The following ATG13 variants were observed in gnomAD, a reference collection of about 807,000 sequenced individuals.
ATG13 encodes the protein autophagy-related protein 13.
In ATG13, 23 loss-of-function variants were observed where a neutral mutation model predicts 65.5. The ratio of observed to expected loss-of-function variants is 0.35; its 90% CI spans 0.25 to 0.50. The LOEUF is 0.50. Among genes scored for constraint, ATG13 ranks in the 20% least tolerant of loss-of-function variants. The probability of loss-of-function intolerance (pLI) is 0.98; values close to 1 mark genes in which losing one functional copy is unlikely to be tolerated. For missense variants in ATG13, 566 were observed against 677.0 expected (o/e 0.84, Z 1.82); for synonymous variants, 252 against 245.2 (o/e 1.03, Z -0.26).
At chr11:46,662,438 G>C (rs899790489) in intron 11 of ATG13, among the ~76,000 whole-genome samples, 1 of 152,190 alleles carries the variant, frequency 6.6e-6, no homozygotes, top group Non-Finnish European at 1.5e-5. Flanking sequence ...TGGAAGTTTA[G>C]TAGTTTCTGC....
At chr11:46,646,131 G>T in intron 5 of ATG13, 142 bp downstream of exon 5, 1 of 1,197,690 alleles carries the variant, frequency 8.3e-7, no homozygotes, top group Non-Finnish European at 1.1e-6. Context: ...AGTTTTTTTT[G>T]TTCTTTTTTG....
At chr11:46,623,823 C>G (rs2048535674) in intron 1 of ATG13, among the ~76,000 whole-genome samples, 1 of 151,902 alleles carries the variant, frequency 6.6e-6, no homozygotes, top group Non-Finnish European at 1.5e-5. Flanking sequence ...TGTACTCTTC[C>G]CTTAGATTTG....
rs771947311 is a variant in ATG13 at position 46,664,849 on chromosome 11, C to T, written c.889C>T (p.Leu297Phe). Residue 297 changes from leucine to phenylalanine, a missense_variant and splice_region_variant, in exon 13 of 19, where the codon CTC (leucine) becomes TTC (phenylalanine). By Grantham distance (22) the Leu-to-Phe change is conservative. Around this residue, in one of 2 missense-constraint regions of ATG13, gnomAD observed 387 missense variants for 409.8 expected, o/e 0.94. Transcript: ENST00000683050. ...PMAGLAFSHQ[L>F]SSSRLSYQPA... ...TCCTCTTTGTTTTTCTCTTGCTTAG[C>T]TCTCAAGCTCTCGCCTTTCCTATCA... 1 of 1,613,034 alleles carries T rather than the reference C, an allele frequency of 6.2e-7. No individual in the cohort carries two copies. Among genetic ancestry groups the T allele is most frequent in the Non-Finnish European group, 8.5e-7 (1 of 1,179,122 alleles).
intron 2 of ATG13, among the ~76,000 whole-genome samples, chr11:46,633,215 G>C (rs935373769): frequency 6.7e-6 from 1 of 149,990 alleles, no homozygotes; most frequent in Non-Finnish European, 1.5e-5. Context: ...TGGTGGAGAT[G>C]GGGCTTCACC....
At chr11:46,632,926 A>G (rs1395779628) in intron 2 of ATG13, among the ~76,000 whole-genome samples, 1 of 149,228 alleles carries the variant, frequency 6.7e-6, no homozygotes. Context: ...GCTTTGGGAG[A>G]TGGAGGTGGG....
intron 7 of ATG13, among the ~76,000 whole-genome samples, chr11:46,650,734 T>A (rs1031939307): frequency 1.3e-5 from 2 of 152,026 alleles, no homozygotes; most frequent in African/African-American, 4.8e-5. Flanking sequence ...GCCTCCCGAG[T>A]AGATGGGACT....
chr11:46,628,917 C>T (rs1466277192), intron 1 of ATG13, among the ~76,000 whole-genome samples: 1 of 150,644 alleles, frequency 6.6e-6, no homozygotes, highest in African/African-American at 2.5e-5. Context: ...CTCCCAGCCC[C>T]AAGCAATACT....
Position 46,643,636 on chromosome 11 carries a change from A to G in ATG13, c.-13-643A>G, listed in dbSNP as rs562565257. On this transcript the variant is annotated intron_variant, in intron 2 of 18. Transcript: ENST00000683050. ...GCTTTTTTTTTTTTTTTTTTAAATGAGACCGGGTCTCACCATGTTGATCTT... is the reference window on the plus strand; with the variant it reads ...GCTTTTTTTTTTTTTTTTTTAAATGGGACCGGGTCTCACCATGTTGATCTT... Among the ~76,000 whole-genome samples the G allele has an allele frequency of 1.5e-3, 216 of 143,340 alleles. 1 individual carries two copies. The highest frequency in any genetic ancestry group is 3.1e-3 in the South Asian group (14 of 4,580). The allele number at this position is 143,340 out of a possible 152,430, so 94.0% of individuals were successfully genotyped here. A position where few individuals can be genotyped will look rare whatever the true frequency, so the allele number is the denominator to read the frequency against.
Position 46,630,036 on chromosome 11 carries a change from TC to T in ATG13, c.-69-8del, listed in dbSNP as rs2051148751. On this transcript the variant is annotated splice_region_variant and splice_polypyrimidine_tract_variant and intron_variant, in intron 1 of 18. Transcript: ENST00000683050. Reference sequence around the variant, plus strand: ...TGGTATTCACAGTCATGATCATATTTCTCTACAGCATCTTGGACTCAAGTGA... The same window carrying T: ...TGGTATTCACAGTCATGATCATATTTTCTACAGCATCTTGGACTCAAGTGA... 1 of 152,092 alleles carries T rather than the reference TC, an allele frequency of 6.6e-6. No individual in the cohort carries two copies. Among genetic ancestry groups the T allele is most frequent in the Admixed American group, 6.6e-5 (1 of 15,262 alleles). The allele number at this position is 152,092 out of a possible 1,614,324, so 9.4% of individuals were successfully genotyped here. A position where few individuals can be genotyped will look rare whatever the true frequency, so the allele number is the denominator to read the frequency against.
rs762323138 is a variant in ATG13, at chr11:46,665,504, C to T, written c.1121C>T (p.Ala374Val). ...CCTTCTGACAGAACCCACTGTGCTG[C>T]CACACCCTCCAGTAGGTGAGTTCAC... Reference protein sequence around the residue: ...CTPSDRTHCAATPSSSEDTET... With the variant: ...CTPSDRTHCAVTPSSSEDTET... The change falls in exon 14 of 19, where the codon GCC (alanine) becomes GTC (valine). Residue 374 changes from alanine to valine, a missense_variant. Ala to Val is a moderately conservative substitution (Grantham distance 64). Transcript: ENST00000683050. 1 of 1,614,050 alleles carries T rather than the reference C, an allele frequency of 6.2e-7. No homozygotes were observed.
At chr11:46,645,089 C>T (rs1046260574) in intron 3 of ATG13, among the ~76,000 whole-genome samples, 14 of 152,186 alleles carry the variant, frequency 9.2e-5, no homozygotes, top group African/African-American at 3.4e-4. Context: ...TTACAGTTTC[C>T]AAGCCTCAAC....
chr11:46,641,451 C>T (rs1268407208), intron 2 of ATG13, among the ~76,000 whole-genome samples: 1 of 152,148 alleles, frequency 6.6e-6, no homozygotes. Context: ...GCTGCTACAT[C>T]CAACAATATA....
chr11:46,621,556 C>A (rs2047508575), intron 1 of ATG13, among the ~76,000 whole-genome samples: 1 of 152,040 alleles, frequency 6.6e-6, no homozygotes, highest in African/African-American at 2.4e-5. Context: ...TTTTCATTTC[C>A]TTATGCATGT....
intron 10 of ATG13, 103 bp from the exon 11 acceptor site, chr11:46,659,289 C>T (rs776928577): frequency 5.8e-5 from 51 of 874,512 alleles, no homozygotes; most frequent in Non-Finnish European, 8.3e-5. Context: ...TGTGTGAAAC[C>T]GTTCTTAGCA....
intron 1 of ATG13, among the ~76,000 whole-genome samples, chr11:46,620,026 CA>C (rs760281512): frequency 0.31 from 31,055 of 100,918 alleles, 3,896 homozygotes; most frequent in African/African-American, 0.45. Flanking sequence ...CCCTCTGTCT[CA>C]AAAAAAAAAA....
chr11:46,668,857 T>C lies in ATG13; in HGVS notation c.1393T>C (p.Ser465Pro), dbSNP rs754637979. 18 of 1,614,012 alleles carry C rather than the reference T, an allele frequency of 1.1e-5. No individual in the cohort carries two copies. In the South Asian group the frequency reaches 2.0e-4, roughly 18 times the overall value. ...CCAGGGCAGCCTGCACTCAGATGGC[T>C]CCAGCGGGGGCAGCAGTGGCAATAC... is the stretch of plus-strand genomic sequence containing the variant. Reference protein sequence around the residue: ...PLQGSLHSDGSSGGSSGNTHD... With the variant: ...PLQGSLHSDGPSGGSSGNTHD... The change falls in exon 17 of 19, where the codon TCC becomes CCC. Residue 465 changes from serine to proline, a missense_variant. Around this residue, in one of 2 missense-constraint regions of ATG13, gnomAD observed 387 missense variants for 409.8 expected, o/e 0.94. Coordinates refer to ENST00000683050, the MANE Select transcript of ATG13 (RefSeq NM_001346311.2).
chr11:46,644,751 A>G (rs2057093641), intron 3 of ATG13, among the ~76,000 whole-genome samples: 1 of 152,226 alleles, frequency 6.6e-6, no homozygotes, highest in South Asian at 2.1e-4. Context: ...TTCAACTTTT[A>G]TATATTCTTC....
At chr11:46,669,360 T>C (rs781422318) in intron 17 of ATG13, 44 bp from the exon 18 acceptor site, 10 of 1,609,972 alleles carry the variant, frequency 6.2e-6, no homozygotes, top group Admixed American at 1.7e-5. Context: ...TTATCTCCTC[T>C]GTGGTTCAAG....
chr11:46,649,333 C>G, intron 6 of ATG13, 150 bp downstream of exon 6: 1 of 831,840 alleles, frequency 1.2e-6, no homozygotes, highest in Non-Finnish European at 1.8e-6. Flanking sequence ...TTTGCTTCAT[C>G]CTTGGCTTCC....
Sources: gnomAD v4.1 joint callset for allele counts (sites outside exome capture counted in the v4.1 genomes callset) on GRCh38, gnomAD v4.1.1 for gene constraint, gnomAD v4.1.1 regional missense constraint, MANE v1.5 for transcripts, NCBI Gene and HGNC (gene_info 2026-07-23, HGNC 2026-07-21) for gene names.